The following SMU1 variants were observed in gnomAD, a reference collection of about 807,000 sequenced individuals.
SMU1 encodes SMU1 DNA replication regulator and spliceosomal factor, also known as WD40 repeat-containing protein SMU1.
A neutral mutation model predicts 62.0 loss-of-function variants in SMU1; 2 were observed. The observed-to-expected ratio is 0.03, with a 90% CI of 0.01 to 0.10. SMU1 has a LOEUF of 0.10. Ranked by LOEUF, SMU1 falls within the 10% of genes least tolerant of loss-of-function variation. The pLI is 1.00. For synonymous variants in SMU1, 188 were observed against 212.4 expected (o/e 0.89, Z 1.00); for missense variants, 227 against 622.1 (o/e 0.36, Z 6.76).
chr9:33,065,365 A>G (rs866483475), intron 4 of SMU1, among the ~76,000 whole-genome samples: 10 of 152,206 alleles, frequency 6.6e-5, no homozygotes, highest in African/African-American at 2.4e-4. Flanking sequence ...CTTGCTCTTC[A>G]CATCTAACCA....
Position 33,047,376 on chromosome 9 carries a change from C to G in SMU1, c.1459G>C (p.Val487Leu). Residue 487 changes from valine to leucine, a missense_variant, in exon 12 of 12, where the codon GTG becomes CTG. Transcript: ENST00000397149. Reference sequence around the variant, plus strand: ...TGAGGGTGATGTGCAATACCAATCACATCCTTCTCGTGCACCTGGAACATG... The same window carrying G: ...TGAGGGTGATGTGCAATACCAATCAGATCCTTCTCGTGCACCTGGAACATG... ...ERTLTVHEKD[V>L]IGIAHHPHQN... The G allele has an allele frequency of 6.2e-7, 1 of 1,613,776 alleles. No individual in the cohort carries two copies. The highest frequency in any genetic ancestry group is 8.5e-7 in the Non-Finnish European group (1 of 1,179,858).
Position 33,047,058 on chromosome 9 carries a change from A to T in SMU1, c.*235T>A, listed in dbSNP as rs533612247. On this transcript the variant is annotated 3_prime_UTR_variant, in exon 12 of 12. Coordinates refer to ENST00000397149, the MANE Select transcript of SMU1 (RefSeq NM_018225.3). ...TATTTCACTCTCCAGGTCGAAGATT[A>T]ATGAAAACATTAAGTGACTGCACCA... 1 of 378,548 alleles carries T rather than the reference A, an allele frequency of 2.6e-6. No individual in the cohort carries two copies. Among genetic ancestry groups the T allele is most frequent in the African/African-American group, 2.1e-5 (1 of 47,330 alleles). 23.4% of individuals were successfully genotyped at this position (378,548 alleles called of 1,614,324 possible). A position where few individuals can be genotyped will look rare whatever the true frequency, so the allele number is the denominator to read the frequency against.
chr9:33,076,103 A>C (rs1045822511), intron 1 of SMU1, among the ~76,000 whole-genome samples: 1 of 152,160 alleles, frequency 6.6e-6, no homozygotes, highest in African/African-American at 2.4e-5. Flanking sequence ...GACAAAGGCT[A>C]GTTTGGGGTG....
chr9:33,047,514 A>G, intron 11 of SMU1, 123 bp from the exon 12 acceptor site: 3 of 655,660 alleles, frequency 4.6e-6, no homozygotes, highest in Non-Finnish European at 7.7e-6. Context: ...CAAATGGCAT[A>G]GGAGAAAGAT....
At chr9:33,072,828 C>CAAAAAAAAAAAAAAAAAA (rs768630155) in intron 2 of SMU1, among the ~76,000 whole-genome samples, 1 of 82,956 alleles carries the variant, frequency 1.2e-5, no homozygotes, top group Non-Finnish European at 2.4e-5. Context: ...GACTCTGTCT[C>CAAAAAAAAAAAAAAAAAA]AAAAAAAAAA....
intron 1 of SMU1, among the ~76,000 whole-genome samples, chr9:33,074,523 T>C (rs1175942428): frequency 5.9e-5 from 9 of 151,988 alleles, no homozygotes; most frequent in South Asian, 2.1e-4. Flanking sequence ...GGTGGGAGGA[T>C]TGCTTGTATC....
chr9:33,072,313 G>T (rs910269461), intron 2 of SMU1, among the ~76,000 whole-genome samples: 9 of 151,922 alleles, frequency 5.9e-5, no homozygotes, highest in Non-Finnish European at 1.3e-4. Flanking sequence ...CTCTGGCCTG[G>T]GCGACAGAGC....
chr9:33,059,460 C>T (rs1839339207), intron 6 of SMU1, among the ~76,000 whole-genome samples: 3 of 151,300 alleles, frequency 2.0e-5, no homozygotes, highest in African/African-American at 4.8e-5. Flanking sequence ...GTTTTTTGCA[C>T]GTCCCTGTAA....
Position 33,071,818 on chromosome 9 carries a change from G to T in SMU1, c.312C>A (p.Ile104=). The change falls in exon 3 of 12, where the codon ATC becomes ATA. Residue 104 remains isoleucine, a synonymous_variant. Transcript: ENST00000397149. The part of the protein sequence containing the change: ...RSLLRQTDPM[I]MLKQTQPERY... Reference sequence around the variant, plus strand: ...GCTCTGGCTGTGTTTGTTTTAACATGATCATGGGATCAGTCTGTCTCAAAA... The same window carrying T: ...GCTCTGGCTGTGTTTGTTTTAACATTATCATGGGATCAGTCTGTCTCAAAA... 2 of 1,607,418 alleles carry T rather than the reference G, an allele frequency of 1.2e-6. No homozygotes were observed. Among genetic ancestry groups the T allele is most frequent in the South Asian group, 2.2e-5 (2 of 89,118 alleles).
chr9:33,051,511 C>T (rs772120907), intron 10 of SMU1, among the ~76,000 whole-genome samples: 50 of 152,136 alleles, frequency 3.3e-4, no homozygotes, highest in African/African-American at 1.0e-3. Context: ...TTGTAACAAA[C>T]GTACCACTCT....
In SMU1 at chr9:33,056,950, C is replaced by G; in HGVS notation, c.882G>C (p.Gln294His). The change falls in exon 8 of 12, where the codon CAG becomes CAC. Residue 294 changes from glutamine (Q) to histidine (H), a missense_variant. By Grantham distance (24) the Gln-to-His change is conservative. Coordinates refer to ENST00000397149, the MANE Select transcript of SMU1 (RefSeq NM_018225.3). ...QDGKIKVWKI[Q>H]SGQCLRRFER... ...CAAATCTCCTTAAACATTGTCCACT[C>G]TGAATCTTCCACACCTTTATTTGAA... is the stretch of plus-strand genomic sequence containing the variant. 6.2e-7 allele frequency: 1 copy of G among 1,611,788 alleles called. No individual in the cohort carries two copies. Among genetic ancestry groups the G allele is most frequent in the Non-Finnish European group, 8.5e-7 (1 of 1,179,262 alleles).
intron 10 of SMU1, among the ~76,000 whole-genome samples, chr9:33,052,092 T>C (rs894168685): frequency 2.6e-5 from 4 of 151,752 alleles, no homozygotes; most frequent in African/African-American, 9.7e-5. Context: ...AATGAAACTT[T>C]ACAGAATGAT....
intron 9 of SMU1, among the ~76,000 whole-genome samples, chr9:33,055,035 TGAAG>T (rs1284726936): frequency 5.9e-5 from 9 of 152,212 alleles, no homozygotes; most frequent in African/African-American, 2.2e-4. Flanking sequence ...ATCCCATGAC[TGAAG>T]TACTAACAGC....
Position 33,042,573 on chromosome 9 carries a change from A to G in SMU1, c.*4720T>C, listed in dbSNP as rs764233687. ...GAAATTAGCTTCTCAACTTTTTTGT[A>G]CGTACGGTACTGGTTCTTAACCTTG... On this transcript the variant is annotated 3_prime_UTR_variant, in exon 12 of 12. Coordinates refer to ENST00000397149, the MANE Select transcript of SMU1 (RefSeq NM_018225.3). The G allele has an allele frequency of 6.6e-6, 1 of 152,192 alleles. No individual in the cohort carries two copies. The highest frequency in any genetic ancestry group is 2.4e-5 in the African/African-American group (1 of 41,434). The allele number at this position is 152,192 out of a possible 1,614,324, so 9.4% of individuals were successfully genotyped here. A position where few individuals can be genotyped will look rare whatever the true frequency, so the allele number is the denominator to read the frequency against.
intron 2 of SMU1, 57 bp downstream of exon 2, chr9:33,073,539 G>C (rs763831165): frequency 7.8e-7 from 1 of 1,283,466 alleles, no homozygotes; most frequent in Admixed American, 1.9e-5. Context: ...CTTTTTAGTT[G>C]GGGAGCTGGC....
intron 4 of SMU1, 116 bp from the exon 5 acceptor site, chr9:33,062,293 A>G (rs13290323): frequency 0.39 from 538,877 of 1,380,846 alleles, 106,807 homozygotes; most frequent in Middle Eastern, 0.41. Flanking sequence ...GAGCCATCTA[A>G]ACCCCAACTA....
intron 1 of SMU1, 152 bp from the exon 2 acceptor site, chr9:33,073,958 A>G: frequency 1.5e-6 from 1 of 680,844 alleles, no homozygotes. Context: ...CTAAATTATA[A>G]GGGGACCCCC....
At chr9:33,076,074 AAAGGAGC>A (rs1325479765) in intron 1 of SMU1, among the ~76,000 whole-genome samples, 1 of 152,198 alleles carries the variant, frequency 6.6e-6, no homozygotes, top group Admixed American at 6.5e-5. Flanking sequence ...ACCACAAGGA[AAAGGAGC>A]TCCTAGGCAC....
chr9:33,058,814 A>C lies in SMU1; in HGVS notation c.751-1100T>G, dbSNP rs545928846. The stretch of plus-strand genomic sequence containing the variant: ...AAATTTGATGATATAAAAAAATTTC[A>C]AGTCTGTAAAACAAAACAAGCAAAA... On this transcript the variant is annotated intron_variant, in intron 6 of 11. Coordinates refer to ENST00000397149, the MANE Select transcript of SMU1 (RefSeq NM_018225.3). Among the ~76,000 whole-genome samples the C allele has an allele frequency of 2.0e-5, 3 of 152,304 alleles. No individual in the cohort carries two copies. The South Asian group carries it at 6.2e-4, about 32-fold the overall frequency.
Sources: allele counts gnomAD v4.1 joint callset (sites outside exome capture counted in the v4.1 genomes callset), GRCh38; gene constraint gnomAD v4.1.1; transcripts MANE v1.5; gene names NCBI Gene and HGNC (gene_info 2026-07-23, HGNC 2026-07-21).